GPC6: variants seen among roughly 807,000 people sequenced by gnomAD.
GPC6 encodes glypican-6.
In GPC6, 14 loss-of-function variants were observed where a neutral mutation model predicts 55.2. The observed-to-expected ratio is 0.25, with a 90% CI of 0.17 to 0.40. The LOEUF (loss-of-function observed/expected upper bound fraction) is 0.40. Ranked by LOEUF, GPC6 falls within the 10% of genes least tolerant of loss-of-function variation. The pLI, the probability that GPC6 is intolerant of heterozygous loss-of-function variation, is 1.00. For missense variants in GPC6, 641 were observed against 708.5 expected, an observed-to-expected ratio of 0.90 and a Z score of 1.08; for synonymous variants, 278 against 259.6, an observed-to-expected ratio of 1.07 and a Z score of -0.68.
At chr13:93,532,839 C>A (rs1320385782) in intron 1 of GPC6, among the ~76,000 whole-genome samples, 1 of 151,748 alleles carries the variant, frequency 6.6e-6, no homozygotes, top group Non-Finnish European at 1.5e-5. Context: ...CTGATTTAAA[C>A]AATTAGCTAA....
At chr13:94,157,518 G>A (rs1204126394) in intron 4 of GPC6, among the ~76,000 whole-genome samples, 1 of 152,162 alleles carries the variant, frequency 6.6e-6, no homozygotes, top group African/African-American at 2.4e-5. Context: ...TAATGGCCCA[G>A]GGAGTGTTCT....
chr13:94,226,098 A>G (rs1416002660), intron 4 of GPC6, among the ~76,000 whole-genome samples: 2 of 152,200 alleles, frequency 1.3e-5, no homozygotes, highest in African/African-American at 4.8e-5. Context: ...TTTTGCTGAG[A>G]TGACCAACAA....
At chr13:93,644,062 G>A (rs1028677687) in intron 2 of GPC6, among the ~76,000 whole-genome samples, 1 of 151,920 alleles carries the variant, frequency 6.6e-6, no homozygotes, top group East Asian at 1.9e-4. Flanking sequence ...TTGTAAGTAT[G>A]GAATATATTA....
intron 3 of GPC6, among the ~76,000 whole-genome samples, chr13:93,919,845 A>T (rs918888412): frequency 2.0e-5 from 3 of 152,226 alleles, no homozygotes; most frequent in Admixed American, 6.5e-5. Flanking sequence ...AGGCCAAAGA[A>T]GATGTAGCTT....
intron 3 of GPC6, among the ~76,000 whole-genome samples, chr13:93,843,720 T>C (rs1300228733): frequency 6.6e-6 from 1 of 152,186 alleles, no homozygotes; most frequent in Non-Finnish European, 1.5e-5. Context: ...AAAGATCAGC[T>C]GGAGTTAATT....
chr13:93,633,646 A>ATAAG (rs1322312513), intron 2 of GPC6, among the ~76,000 whole-genome samples: 192 of 142,336 alleles, frequency 1.3e-3, no homozygotes, highest in African/African-American at 5.1e-3. Flanking sequence ...AAATAAATAA[A>ATAAG]TAAATAAATA....
At chr13:94,304,234 C>T (rs1470753329) in intron 5 of GPC6, among the ~76,000 whole-genome samples, 1 of 152,124 alleles carries the variant, frequency 6.6e-6, no homozygotes, top group East Asian at 1.9e-4. Context: ...TCGAGGAATG[C>T]CAAGACAAAG....
chr13:94,247,523 T>G (rs375870800), intron 4 of GPC6, among the ~76,000 whole-genome samples: 1 of 151,874 alleles, frequency 6.6e-6, no homozygotes, highest in East Asian at 1.9e-4. Context: ...GGAACTTTTC[T>G]TCTATACCTA....
At chr13:93,252,413 C>T (rs1876816599) in intron 1 of GPC6, among the ~76,000 whole-genome samples, 1 of 152,144 alleles carries the variant, frequency 6.6e-6, no homozygotes, top group African/African-American at 2.4e-5. Flanking sequence ...ACTTTTCTTC[C>T]TGACTAATTT....
chr13:93,781,273 T>G (rs1435173414), intron 2 of GPC6, among the ~76,000 whole-genome samples: 1 of 105,078 alleles, frequency 9.5e-6, no homozygotes, highest in African/African-American at 3.3e-5. Context: ...AGACTCCATC[T>G]CCGAAAAAAA....
At chr13:93,618,724 C>A (rs1055614322) in intron 2 of GPC6, among the ~76,000 whole-genome samples, 1 of 152,034 alleles carries the variant, frequency 6.6e-6, no homozygotes, top group African/African-American at 2.4e-5. Context: ...GAAAATGTAT[C>A]AATATTAATT....
intron 5 of GPC6, among the ~76,000 whole-genome samples, chr13:94,294,065 C>G (rs1420277736): frequency 6.6e-6 from 1 of 152,130 alleles, no homozygotes; most frequent in Non-Finnish European, 1.5e-5. Context: ...ACCGCAGTTA[C>G]CCAACAGTTC....
intron 2 of GPC6, among the ~76,000 whole-genome samples, chr13:93,603,983 A>G (rs1311095088): frequency 6.6e-6 from 1 of 152,254 alleles, no homozygotes; most frequent in Admixed American, 6.5e-5. Flanking sequence ...GAGAATACAG[A>G]CAAAATTCTT....
intron 4 of GPC6, among the ~76,000 whole-genome samples, chr13:94,254,964 T>G (rs1348382094): frequency 6.6e-6 from 1 of 152,198 alleles, no homozygotes; most frequent in Non-Finnish European, 1.5e-5. Context: ...CTGGAAAGCA[T>G]TTGAAACAAA....
chr13:93,339,443 G>T (rs1461239986), intron 1 of GPC6, among the ~76,000 whole-genome samples: 1 of 150,534 alleles, frequency 6.6e-6, no homozygotes, highest in African/African-American at 2.4e-5. Flanking sequence ...TTTCCCCTGA[G>T]TATCTCAGAA....
intron 1 of GPC6, among the ~76,000 whole-genome samples, chr13:93,449,989 G>A (rs965031440): frequency 2.0e-5 from 3 of 151,418 alleles, no homozygotes; most frequent in Non-Finnish European, 2.9e-5. Flanking sequence ...TCACCATGTT[G>A]GCCACGATGG....
intron 1 of GPC6, among the ~76,000 whole-genome samples, chr13:93,251,177 C>T (rs938307353): frequency 2.0e-5 from 3 of 152,108 alleles, no homozygotes; most frequent in Non-Finnish European, 2.9e-5. Flanking sequence ...ATAGCCAAGC[C>T]GTATCACTGG....
At chr13:94,380,816 T>C (rs1435928271) in intron 6 of GPC6, among the ~76,000 whole-genome samples, 3 of 152,196 alleles carry the variant, frequency 2.0e-5, no homozygotes, top group Non-Finnish European at 4.4e-5. Context: ...ACCTAGCATT[T>C]AGTCCAGAGC....
At chr13:94,091,994 A>C (rs8002074) in intron 4 of GPC6, among the ~76,000 whole-genome samples, 120,685 of 150,646 alleles carry the variant, frequency 0.8, 48,732 homozygotes, top group South Asian at 0.88. Flanking sequence ...ATATAATTGA[A>C]AAAAATTATA....
Sources: gnomAD v4.1 joint callset for allele counts (sites outside exome capture counted in the v4.1 genomes callset) on GRCh38, gnomAD v4.1.1 for gene constraint, MANE v1.5 for transcripts, NCBI Gene and HGNC (gene_info 2026-07-23, HGNC 2026-07-21) for gene names.